PPFIBP2: variants seen among roughly 807,000 people sequenced by gnomAD.
PPFIBP2 encodes liprin-beta-2.
A neutral mutation model predicts 118.3 loss-of-function variants in PPFIBP2; 118 were observed. That is an observed-to-expected ratio of 1.00 (90% CI 0.86 to 1.16). The LOEUF (loss-of-function observed/expected upper bound fraction) is 1.16. Among genes scored for constraint, PPFIBP2 ranks in the 50% most tolerant of loss-of-function variants. The pLI is 0.00. For synonymous variants in PPFIBP2, 414 were observed against 397.4 expected (o/e 1.04, Z -0.50); for missense variants, 1,195 against 1,073.1 (o/e 1.11, Z -1.59).
the PPFIBP2 span, chr11:7,665,346 A>G: frequency 1.4e-6 from 2 of 1,473,678 alleles, no homozygotes; most frequent in South Asian, 1.4e-5. Context: ...GAAAAGGGAC[A>G]TGCAAAATTG....
chr11:7,646,559 A>G (rs7117146), intron 17 of PPFIBP2, among the ~76,000 whole-genome samples: 112,633 of 152,088 alleles, frequency 0.74, 41,994 homozygotes, highest in African/African-American at 0.81. Context: ...CCCAAAATAC[A>G]AGAGTAAAGA....
downstream of PPFIBP2, among the ~76,000 whole-genome samples, chr11:7,656,258 C>T (rs1009866140): frequency 6.6e-6 from 1 of 152,220 alleles, no homozygotes; most frequent in Non-Finnish European, 1.5e-5. Context: ...CATCACTGAG[C>T]CTATTGGCTA....
intron 4 of PPFIBP2, among the ~76,000 whole-genome samples, chr11:7,596,166 C>T (rs189796375): frequency 1.6e-4 from 25 of 152,254 alleles, no homozygotes; most frequent in South Asian, 2.1e-4. Context: ...ATGGTATAGA[C>T]CATAGAAATG....
At chr11:7,630,626 T>G (rs1283204074) in intron 10 of PPFIBP2, among the ~76,000 whole-genome samples, 1 of 152,208 alleles carries the variant, frequency 6.6e-6, no homozygotes, top group Non-Finnish European at 1.5e-5. Context: ...AGCCATCTTT[T>G]TAAGATCATG....
At chr11:7,613,755 G>A (rs909863943) in intron 6 of PPFIBP2, among the ~76,000 whole-genome samples, 2 of 152,202 alleles carry the variant, frequency 1.3e-5, no homozygotes, top group African/African-American at 4.8e-5. Context: ...TGCTGTGGAG[G>A]TGCCAGCAAC....
intron 17 of PPFIBP2, among the ~76,000 whole-genome samples, chr11:7,644,875 A>G (rs1219345892): frequency 2.6e-5 from 4 of 151,044 alleles, no homozygotes; most frequent in Non-Finnish European, 5.9e-5. Context: ...AAAATACAAA[A>G]AATTAGCCGG....
At chr11:7,559,227 C>T (rs1268138778) in intron 2 of PPFIBP2, among the ~76,000 whole-genome samples, 1 of 152,222 alleles carries the variant, frequency 6.6e-6, no homozygotes, top group Non-Finnish European at 1.5e-5. Context: ...GGGGGCAAAT[C>T]TTGCCTTATA....
intron 2 of PPFIBP2, among the ~76,000 whole-genome samples, chr11:7,551,944 G>C (rs540131425): frequency 6.6e-6 from 1 of 152,306 alleles, no homozygotes; most frequent in East Asian, 1.9e-4. Flanking sequence ...TGTGGGTTGT[G>C]TGAAACCCAG....
At chr11:7,535,890 G>A (rs1186429588) in intron 1 of PPFIBP2, among the ~76,000 whole-genome samples, 3 of 152,182 alleles carry the variant, frequency 2.0e-5, no homozygotes, top group Non-Finnish European at 4.4e-5. Flanking sequence ...GGGGAGTAGG[G>A]TGGGGAAGCA....
At chr11:7,642,538 T>C (rs767843594) in intron 17 of PPFIBP2, 112 bp downstream of exon 17, 12 of 1,228,834 alleles carry the variant, frequency 9.8e-6, no homozygotes, top group African/African-American at 1.5e-5. Context: ...CCCCTTTCCA[T>C]ATTCTCTTCC....
intron 2 of PPFIBP2, among the ~76,000 whole-genome samples, chr11:7,561,565 T>C (rs1185610937): frequency 6.6e-6 from 1 of 152,214 alleles, no homozygotes; most frequent in Non-Finnish European, 1.5e-5. Flanking sequence ...GTAATCTTTG[T>C]CTGTCTAAAT....
chr11:7,620,849 C>T (rs879013095), intron 6 of PPFIBP2, 86 bp from the exon 7 acceptor site: 2 of 900,600 alleles, frequency 2.2e-6, no homozygotes, highest in South Asian at 2.7e-5. Flanking sequence ...GTTGCTGCAC[C>T]CCATATGCAT....
intron 3 of PPFIBP2, among the ~76,000 whole-genome samples, chr11:7,589,641 C>T (rs545894491): frequency 2.6e-4 from 39 of 151,944 alleles, no homozygotes; most frequent in Admixed American, 1.7e-3. Context: ...AAAATTAGCA[C>T]GTAGCATCCT....
At chr11:7,649,973 C>G (rs995228304) in intron 21 of PPFIBP2, among the ~76,000 whole-genome samples, 2 of 152,040 alleles carry the variant, frequency 1.3e-5, no homozygotes, top group African/African-American at 2.4e-5. Flanking sequence ...ATGGGTGTCA[C>G]AGTAGAAGAG....
intron 7 of PPFIBP2, among the ~76,000 whole-genome samples, chr11:7,625,196 C>T (rs994327131): frequency 2.4e-4 from 37 of 152,102 alleles, no homozygotes; most frequent in African/African-American, 8.5e-4. Flanking sequence ...TATGAGTGAG[C>T]GTGCACACAT....
chr11:7,539,353 T>G (rs1851538850), intron 1 of PPFIBP2: 1 of 152,474 alleles, frequency 6.6e-6, no homozygotes, highest in Non-Finnish European at 1.5e-5. Context: ...GGCTCTGCCA[T>G]TGCTCTGAGG....
chr11:7,665,075 C>G, the PPFIBP2 span: 1 of 215,624 alleles, frequency 4.6e-6, no homozygotes, highest in Non-Finnish European at 9.2e-6. Flanking sequence ...CTAGCACGTC[C>G]CCCACAGAGC....
At chr11:7,625,701 G>A (rs1217649152) in intron 7 of PPFIBP2, 76 bp from the exon 8 acceptor site, 1 of 1,201,656 alleles carries the variant, frequency 8.3e-7, no homozygotes, top group African/African-American at 1.5e-5. Context: ...GATGGGGTCT[G>A]GACTCTGACG....
chr11:7,600,230 C>T (rs1486273012), intron 5 of PPFIBP2, among the ~76,000 whole-genome samples: 1 of 152,204 alleles, frequency 6.6e-6, no homozygotes, highest in East Asian at 1.9e-4. Flanking sequence ...CACATCTGAG[C>T]CTCATCTTCC....
Sources: allele counts gnomAD v4.1 joint callset (sites outside exome capture counted in the v4.1 genomes callset), GRCh38; gene constraint gnomAD v4.1.1; transcripts MANE v1.5; gene names NCBI Gene and HGNC (gene_info 2026-07-23, HGNC 2026-07-21).